The following MTMR3 variants were observed in gnomAD, a reference collection of about 807,000 sequenced individuals.
MTMR3 encodes phosphatidylinositol-3,5-bisphosphate 3-phosphatase MTMR3.
In MTMR3, 32 loss-of-function variants were observed where a neutral mutation model predicts 132.4. The observed-to-expected ratio is 0.24, with a 90% confidence interval of 0.18 to 0.32. The LOEUF (loss-of-function observed/expected upper bound fraction) is 0.32, where lower values mean the gene tolerates loss of function less well. Among genes scored for constraint, MTMR3 ranks in the 10% least tolerant of loss-of-function variants. MTMR3 has a pLI of 1.00. For missense variants in MTMR3, 1,216 were observed against 1,489.6 expected (o/e 0.82, Z 3.02); for synonymous variants, 556 against 550.3 (o/e 1.01, Z -0.14).
intron 7 of MTMR3, chr22:29,997,859 T>C (rs937309280): frequency 2.4e-4 from 36 of 152,348 alleles, no homozygotes; most frequent in Middle Eastern, 6.8e-3. Context: ...GAATGATCTA[T>C]ACCTTTCACG....
Position 30,007,942 on chromosome 22 carries a change from A to G in MTMR3, c.919A>G (p.Ile307Val). 1.2e-6 allele frequency: 2 copies of G among 1,613,508 alleles called. No individual in the cohort carries two copies. Among genetic ancestry groups the G allele is most frequent in the Admixed American group, 1.7e-5 (1 of 59,942 alleles). Residue 307 changes from isoleucine (I) to valine (V), a missense_variant, in exon 11 of 20, where the codon ATC becomes GTC. Ile to Val is a conservative substitution (Grantham distance 29). Around this residue, in one of 7 missense-constraint regions of MTMR3, gnomAD observed 47 missense variants for 46.8 expected, o/e 1.00. Transcript: ENST00000401950. Reference sequence around the variant, plus strand: ...TGCTTCAGGAGCAGAGAGTTTAGCCATCCAACCGCAGAAGCTTTTGATCTT... The same window carrying G: ...TGCTTCAGGAGCAGAGAGTTTAGCCGTCCAACCGCAGAAGCTTTTGATCTT... ...SNASGAESLA[I>V]QPQKLLILDA... is the part of the protein sequence containing the mutation.
At chr22:29,974,238 C>G (rs1234773172) in intron 3 of MTMR3, among the ~76,000 whole-genome samples, 2 of 152,222 alleles carry the variant, frequency 1.3e-5, no homozygotes, top group Non-Finnish European at 1.5e-5. Flanking sequence ...CTTCCAACTT[C>G]TCACCTTATT....
At position 29,978,498 on chromosome 22, in the gene MTMR3, G is replaced by A. The variant is rs2066674468; in HGVS notation, c.60G>A (p.Arg20=). 1 of 1,613,814 alleles carries A rather than the reference G, an allele frequency of 6.2e-7. No homozygotes were observed. Among genetic ancestry groups the A allele is most frequent in the Non-Finnish European group, 8.5e-7 (1 of 1,179,794 alleles). Residue 20 remains arginine, a synonymous_variant, in exon 4 of 20, where the codon AGG becomes AGA. Coordinates refer to ENST00000401950, the MANE Select transcript of MTMR3 (RefSeq NM_021090.4). ...TCCAGGCCAATCAGATCTTTCCCAG[G>A]AAGCAGCTGATCCGGGAGGATGAGA... ...ECIQANQIFP[R]KQLIREDENL...
chr22:29,923,971 T>A (rs953267572), intron 1 of MTMR3, among the ~76,000 whole-genome samples: 4 of 152,234 alleles, frequency 2.6e-5, no homozygotes, highest in Non-Finnish European at 5.9e-5. Context: ...TTGCAGGTAT[T>A]TTCTCCATTC....
intron 1 of MTMR3, among the ~76,000 whole-genome samples, chr22:29,920,520 A>C (rs1278583669): frequency 6.6e-6 from 1 of 152,174 alleles, no homozygotes; most frequent in Non-Finnish European, 1.5e-5. Context: ...GAATATTTGA[A>C]TGTTATGTTA....
chr22:29,900,192 T>C (rs1290583313), intron 1 of MTMR3, among the ~76,000 whole-genome samples: 1 of 152,196 alleles, frequency 6.6e-6, no homozygotes, highest in African/African-American at 2.4e-5. Context: ...GATGGAGGGC[T>C]AAAAATTCTG....
intron 1 of MTMR3, among the ~76,000 whole-genome samples, chr22:29,910,385 G>T (rs1431146443): frequency 1.3e-5 from 2 of 152,170 alleles, no homozygotes; most frequent in African/African-American, 4.8e-5. Flanking sequence ...TTTGGGGGTT[G>T]CTGGTTTTTA....
intron 3 of MTMR3, among the ~76,000 whole-genome samples, chr22:29,977,532 A>G (rs918512781): frequency 1.3e-5 from 2 of 152,252 alleles, no homozygotes; most frequent in Non-Finnish European, 2.9e-5. Flanking sequence ...AGTCTTTCAT[A>G]TATTTTCAAC....
intron 16 of MTMR3, 47 bp from the exon 17 acceptor site, chr22:30,019,433 C>G (rs1219546800): frequency 1.3e-6 from 2 of 1,538,872 alleles, no homozygotes; most frequent in East Asian, 2.3e-5. Flanking sequence ...CTACTTCCTC[C>G]AAACAGTTTC....
At position 30,016,634 on chromosome 22, in the gene MTMR3, G is replaced by C; in HGVS notation, c.1610G>C (p.Trp537Ser). 6.2e-7 allele frequency: 1 copy of C among 1,614,174 alleles called. No individual in the cohort carries two copies. The highest frequency in any genetic ancestry group is 8.5e-7 in the Non-Finnish European group (1 of 1,180,032). ...ACTCAGGAACGGACATGTTCCGTGT[G>C]GTCACTTCTTCGGGCAGGCAACAAG... ...KHTQERTCSVWSLLRAGNKAF... is the reference protein window; with the variant it reads ...KHTQERTCSVSSLLRAGNKAF... The change falls in exon 15 of 20, where the codon TGG (tryptophan) becomes TCG (serine). Residue 537 changes from tryptophan (W) to serine (S), a missense_variant. By Grantham distance (177) the Trp-to-Ser change is radical. Around this residue, in one of 7 missense-constraint regions of MTMR3, gnomAD observed 852 missense variants for 852.0 expected, o/e 1.00. Transcript: ENST00000401950.
chr22:29,932,916 A>G (rs566544993), intron 1 of MTMR3, among the ~76,000 whole-genome samples: 1 of 152,172 alleles, frequency 6.6e-6, no homozygotes, highest in Admixed American at 6.5e-5. Context: ...AGTTGGAAGC[A>G]CTGTGCCCCT....
chr22:29,925,446 G>A (rs2065496722), intron 1 of MTMR3, among the ~76,000 whole-genome samples: 1 of 151,938 alleles, frequency 6.6e-6, no homozygotes, highest in Non-Finnish European at 1.5e-5. Flanking sequence ...TAAATTAAGA[G>A]TAATTGTAGT....
At chr22:29,891,075 A>T (rs909593734) in intron 1 of MTMR3, among the ~76,000 whole-genome samples, 31 of 152,000 alleles carry the variant, frequency 2.0e-4, no homozygotes, top group African/African-American at 6.8e-4. Context: ...GAAAAAAAAA[A>T]TTGATAGGAC....
intron 9 of MTMR3, chr22:30,005,343 A>G (rs1425642427): frequency 2.0e-5 from 3 of 152,230 alleles, no homozygotes; most frequent in Non-Finnish European, 2.9e-5. Context: ...GTTTATTGCA[A>G]TAGTCCAGTT....
chr22:29,968,147 T>A (rs2066466187), intron 2 of MTMR3, among the ~76,000 whole-genome samples: 1 of 152,140 alleles, frequency 6.6e-6, no homozygotes, highest in African/African-American at 2.4e-5. Flanking sequence ...ACTCTAAACT[T>A]TTTTGGGAAC....
chr22:29,892,457 C>G (rs2064819147), intron 1 of MTMR3, among the ~76,000 whole-genome samples: 1 of 152,190 alleles, frequency 6.6e-6, no homozygotes. Context: ...GCTACTTGCT[C>G]TCCTTTGCTT....
chr22:29,906,819 C>T (rs2065112890), intron 1 of MTMR3, among the ~76,000 whole-genome samples: 1 of 152,036 alleles, frequency 6.6e-6, no homozygotes, highest in African/African-American at 2.4e-5. Context: ...TGGCTCATGC[C>T]TGTATCCCAG....
Position 30,012,466 on chromosome 22 carries a change from G to A in MTMR3, c.1220G>A (p.Arg407Gln), listed in dbSNP as rs758188776. Reference sequence around the variant, plus strand: ...GTGCATGCTGTGGATCAGGATCAGCGGCCGGTGCTAGTACACTGCTCAGAT... The same window carrying A: ...GTGCATGCTGTGGATCAGGATCAGCAGCCGGTGCTAGTACACTGCTCAGAT... ...LVVHAVDQDQ[R>Q]PVLVHCSDGW... Residue 407 changes from arginine (R) to glutamine (Q), a missense_variant, in exon 13 of 20, where the codon CGG becomes CAG. Transcript: ENST00000401950. 3.7e-6 allele frequency: 6 copies of A among 1,613,988 alleles called. No individual in the cohort carries two copies. The highest frequency in any genetic ancestry group is 1.6e-4 in the Middle Eastern group (1 of 6,080).
In MTMR3 at chr22:29,970,235, A is replaced by T. The variant is rs527657838; in HGVS notation, c.-84-741A>T. On this transcript the variant is annotated intron_variant, in intron 2 of 19. Coordinates refer to ENST00000401950, the MANE Select transcript of MTMR3 (RefSeq NM_021090.4). ...ATTTTTCCTATTTTGCTCGTAAGTCAGTTTGGTTTCCTCAGATGGGGGATC... is the reference window on the plus strand; with the variant it reads ...ATTTTTCCTATTTTGCTCGTAAGTCTGTTTGGTTTCCTCAGATGGGGGATC... Among the ~76,000 whole-genome samples the T allele has an allele frequency of 3.3e-5, 5 of 152,344 alleles. No individual in the cohort carries two copies. In the South Asian group the frequency reaches 1.0e-3, roughly 32 times the overall value.
Sources: allele counts gnomAD v4.1 joint callset (sites outside exome capture counted in the v4.1 genomes callset), GRCh38; gene constraint gnomAD v4.1.1; regional missense constraint gnomAD v4.1.1; transcripts MANE v1.5; gene names NCBI Gene and HGNC (gene_info 2026-07-23, HGNC 2026-07-21).